The following MYO9B variants were observed in gnomAD, a reference collection of about 807,000 sequenced individuals.
The protein encoded by MYO9B is unconventional myosin-IXb.
In MYO9B, 71 loss-of-function variants were observed where a neutral mutation model predicts 229.5. The observed-to-expected ratio is 0.31, with a 90% CI of 0.26 to 0.38. The LOEUF (loss-of-function observed/expected upper bound fraction) is 0.38. MYO9B is among the 10% of genes least tolerant of loss of function. The pLI, the probability that MYO9B is intolerant of heterozygous loss-of-function variation, is 1.00. For synonymous variants in MYO9B, 1,185 were observed against 1,235.8 expected (o/e 0.96, Z 0.86); for missense variants, 2,255 against 2,920.5 (o/e 0.77, Z 5.25).
At chr19:17,208,767 G>T (rs965231364) in intron 35 of MYO9B, among the ~76,000 whole-genome samples, 1 of 152,170 alleles carries the variant, frequency 6.6e-6, no homozygotes, top group African/African-American at 2.4e-5. Context: ...GCTACAAAGC[G>T]TCCTGTCACG....
intron 1 of MYO9B, chr19:17,095,873 C>T (rs2057682961): frequency 6.6e-6 from 1 of 152,182 alleles, no homozygotes; most frequent in Non-Finnish European, 1.5e-5. Context: ...CACCATTCTC[C>T]CGCCTCAGCC....
chr19:17,170,666 A>AAAC (rs2072713894), intron 11 of MYO9B, among the ~76,000 whole-genome samples: 1 of 100,528 alleles, frequency 9.9e-6, no homozygotes, highest in Non-Finnish European at 2.1e-5. Flanking sequence ...AAAAAAAAAA[A>AAAC]AAAAAAAACT....
rs2073026256 is a variant in MYO9B at position 17,195,034 on chromosome 19, C to T, written c.3607C>T (p.Leu1203Phe). The T allele has an allele frequency of 6.2e-7, 1 of 1,613,088 alleles. No homozygotes were observed. Among genetic ancestry groups the T allele is most frequent in the African/African-American group, 1.3e-5 (1 of 75,032 alleles). ...DKKESREDET[L>F]LVVETEAENT... Reference sequence around the variant, plus strand: ...AAAGGAGAGCAGAGAAGATGAAACCCTTCTAGTCGTAGAGACGGAGGCTGA... The same window carrying T: ...AAAGGAGAGCAGAGAAGATGAAACCTTTCTAGTCGTAGAGACGGAGGCTGA... The change falls in exon 22 of 40, where the codon CTT becomes TTT. Residue 1203 changes from leucine to phenylalanine, a missense_variant. By Grantham distance (22) the Leu-to-Phe change is conservative (BLOSUM62 0). Around this residue, in one of 7 missense-constraint regions of MYO9B, gnomAD observed 679 missense variants for 770.2 expected, o/e 0.88. Coordinates refer to ENST00000682292, the MANE Select transcript of MYO9B (RefSeq NM_004145.4). This position sits in a 1 kb window ranked among gnomAD's most constrained non-coding sequence, Gnocchi z 4.5.
chr19:17,107,942 T>C (rs2057807988), intron 2 of MYO9B, among the ~76,000 whole-genome samples: 1 of 152,196 alleles, frequency 6.6e-6, no homozygotes, highest in South Asian at 2.1e-4. Flanking sequence ...GCATCCCCCA[T>C]ACAGCCCCAC....
intron 1 of MYO9B, among the ~76,000 whole-genome samples, chr19:17,077,799 C>T (rs552959824): frequency 2.1e-4 from 32 of 152,338 alleles, no homozygotes; most frequent in African/African-American, 7.2e-4. Flanking sequence ...ACTTTTATTC[C>T]GTTTTCCATT....
chr19:17,124,232 C>T (rs1019886069), intron 2 of MYO9B, among the ~76,000 whole-genome samples: 2 of 151,848 alleles, frequency 1.3e-5, no homozygotes, highest in Non-Finnish European at 2.9e-5. Flanking sequence ...GTGGTACACA[C>T]TTGTAATCCC....
rs150019699 is a variant in MYO9B at position 17,090,311 on chromosome 19, T to G, written c.-58-11349T>G. Among the ~76,000 whole-genome samples the G allele has an allele frequency of 9.2e-5, 14 of 152,004 alleles. 1 individual carries two copies. In the East Asian group the frequency reaches 2.5e-3, roughly 27 times the overall value. On this transcript the variant is annotated intron_variant, in intron 1 of 39. Transcript: ENST00000682292. The stretch of plus-strand genomic sequence containing the variant: ...GGCACACACCACCACACCTGGCTAA[T>G]TTTTGTGTTGTTTTTTTTCTGTAGA...
intron 1 of MYO9B, chr19:17,095,960 GA>G: frequency 6.6e-6 from 1 of 152,122 alleles, no homozygotes; most frequent in East Asian, 1.9e-4. Context: ...TTTTAGTAGA[GA>G]AGGGGTTTCA....
At position 17,196,376 on chromosome 19, in the gene MYO9B, G is replaced by C. The variant is rs555525289; in HGVS notation, c.4046+903G>C. On this transcript the variant is annotated intron_variant, in intron 22 of 39. Coordinates refer to ENST00000682292, the MANE Select transcript of MYO9B (RefSeq NM_004145.4). ...GCATGGATGGATGGATGATACAGAT[G>C]ATGGGGAGATGGATGGATAGAAGAT... Among the ~76,000 whole-genome samples, 6 of 152,200 alleles carry C rather than the reference G, an allele frequency of 3.9e-5. No individual in the cohort carries two copies. In the South Asian group the frequency reaches 1.2e-3, roughly 32 times the overall value.
chr19:17,201,429 G>A (rs1229705780), intron 26 of MYO9B, among the ~76,000 whole-genome samples: 1 of 152,144 alleles, frequency 6.6e-6, no homozygotes, highest in Non-Finnish European at 1.5e-5. Flanking sequence ...TGGGGACACA[G>A]AAGGATCAGG....
intron 2 of MYO9B, among the ~76,000 whole-genome samples, chr19:17,122,899 C>T (rs574514759): frequency 6.6e-6 from 1 of 152,270 alleles, no homozygotes; most frequent in South Asian, 2.1e-4. Flanking sequence ...AGTTCAAGAC[C>T]AGCCTATACA....
chr19:17,149,239 A>G (rs530816659), intron 3 of MYO9B, among the ~76,000 whole-genome samples: 199 of 152,112 alleles, frequency 1.3e-3, no homozygotes, highest in African/African-American at 4.6e-3. Flanking sequence ...TGGCCCCCCA[A>G]AGCTCTGGGG....
chr19:17,133,439 G>A (rs1568266677), intron 2 of MYO9B, among the ~76,000 whole-genome samples: 1 of 151,744 alleles, frequency 6.6e-6, no homozygotes. Context: ...CGCCACCCCC[G>A]GTAACCAGTA....
intron 3 of MYO9B, among the ~76,000 whole-genome samples, chr19:17,147,928 C>T (rs975683757): frequency 1.3e-4 from 19 of 150,786 alleles, no homozygotes; most frequent in African/African-American, 3.9e-4. Context: ...GTGATCTGCC[C>T]GCCTTGGTCT....
At chr19:17,087,611 G>A (rs1193199072) in intron 1 of MYO9B, among the ~76,000 whole-genome samples, 1 of 152,172 alleles carries the variant, frequency 6.6e-6, no homozygotes, top group African/African-American at 2.4e-5. Context: ...CCTATCCTGG[G>A]TGGCTGAGGA....
intron 32 of MYO9B, 35 bp downstream of exon 32, chr19:17,206,187 C>A: frequency 6.2e-7 from 1 of 1,606,562 alleles, no homozygotes; most frequent in Non-Finnish European, 8.5e-7. Context: ...CAGTGCCAGG[C>A]CCCAGGCACA....
chr19:17,133,302 T>A (rs7246621), intron 2 of MYO9B, among the ~76,000 whole-genome samples: 114,684 of 152,068 alleles, frequency 0.75, 44,151 homozygotes, highest in African/African-American at 0.91. Context: ...CTTAAAATCT[T>A]CTCTCTTAGG....
chr19:17,109,450 C>T (rs575116606), intron 2 of MYO9B, among the ~76,000 whole-genome samples: 1 of 152,292 alleles, frequency 6.6e-6, no homozygotes, highest in Admixed American at 6.5e-5. Flanking sequence ...CATCTCTAAT[C>T]CCTCACGGCA....
chr19:17,154,224 C>A, intron 5 of MYO9B, 91 bp from the exon 6 acceptor site: 1 of 1,379,092 alleles, frequency 7.3e-7, no homozygotes, highest in Non-Finnish European at 1.0e-6. Context: ...GGTCCTGGGG[C>A]CCTGCCCCAC....
Sources: gnomAD v4.1 joint callset for allele counts (sites outside exome capture counted in the v4.1 genomes callset) on GRCh38, gnomAD v4.1.1 for gene constraint, gnomAD v4.1.1 regional missense constraint, Gnocchi (gnomAD v3.1) non-coding constraint, MANE v1.5 for transcripts, NCBI Gene and HGNC (gene_info 2026-07-23, HGNC 2026-07-21) for gene names.